TSC2: variants seen among roughly 807,000 people sequenced by gnomAD.
TSC2 encodes tuberin.
Under a neutral mutation model 202.2 loss-of-function variants are expected in TSC2, and 29 were observed. The ratio of observed to expected loss-of-function variants is 0.14; its 90% CI spans 0.11 to 0.20. The LOEUF (loss-of-function observed/expected upper bound fraction) is 0.20, where lower values mean the gene tolerates loss of function less well. TSC2 is among the 10% of genes least tolerant of loss of function. TSC2 has a pLI of 1.00. For synonymous variants in TSC2, 1,349 were observed against 1,044.0 expected (o/e 1.29, Z -5.63); for missense variants, 2,429 against 2,420.0 (o/e 1.00, Z -0.08).
In TSC2 at chr16:2,083,702, C is replaced by G. The variant is rs373508609; in HGVS notation, c.3891C>G (p.Ala1297=). ...CCGTCTGTGTCCTCCCAGACTCCGC[C>G]GTGGTCATGGAGGAGGGAAGTCCGG... ...LHRSVSWADS[A]VVMEEGSPGE... Residue 1297 remains alanine (A), a synonymous_variant, in exon 33 of 42, where the codon GCC becomes GCG. Coordinates refer to ENST00000219476, the MANE Select transcript of TSC2 (RefSeq NM_000548.5). 1.1e-5 allele frequency: 18 copies of G among 1,585,808 alleles called. No individual in the cohort carries two copies. Among genetic ancestry groups the G allele is most frequent in the Admixed American group, 1.8e-5 (1 of 54,890 alleles).
chr16:2,054,671 C>T (rs1364184693), intron 5 of TSC2: 12 of 619,718 alleles, frequency 1.9e-5, no homozygotes, highest in Non-Finnish European at 3.4e-5. Context: ...CTGTGAGTCT[C>T]TGGGGCTTGG....
intron 14 of TSC2, 37 bp from the exon 15 acceptor site, chr16:2,064,235 G>A: frequency 1.2e-6 from 2 of 1,613,700 alleles, no homozygotes; most frequent in Middle Eastern, 3.3e-4. Context: ...GGCCCTCGTT[G>A]GGCTGGCGCT....
intron 10 of TSC2, among the ~76,000 whole-genome samples, chr16:2,059,696 T>C (rs1000834185): frequency 9.2e-5 from 14 of 152,160 alleles, no homozygotes; most frequent in Admixed American, 4.6e-4. Flanking sequence ...ATTTTTTATT[T>C]TTAGTAGAGA....
At chr16:2,053,515 G>A in intron 4 of TSC2, 63 bp downstream of exon 4, 1 of 1,482,434 alleles carries the variant, frequency 6.7e-7, no homozygotes. Flanking sequence ...TCCTGTCCCT[G>A]CTGGGCCGTG....
chr16:2,054,727 C>T (rs2085551060), intron 5 of TSC2: 1 of 510,046 alleles, frequency 2.0e-6, no homozygotes. Flanking sequence ...CGAGTTCTGT[C>T]ACTGGGAGGT....
At position 2,084,961 on chromosome 16, in the gene TSC2, C is replaced by T. The variant is rs928525608; in HGVS notation, c.4504C>T (p.Leu1502=). The change falls in exon 35 of 42, where the codon CTG becomes TTG. Residue 1502 remains leucine, a synonymous_variant. Coordinates refer to ENST00000219476, the MANE Select transcript of TSC2 (RefSeq NM_000548.5). ...CCCCTCCCTGTGCAGTTTCGTGTTC[C>T]TGCAGCTCTACCATTCCCCCTTCTT... ...VPGINPSFVF[L]QLYHSPFFGD... is the part of the protein sequence containing the mutation. 1 of 1,613,234 alleles carries T rather than the reference C, an allele frequency of 6.2e-7. No homozygotes were observed. The highest frequency in any genetic ancestry group is 1.7e-5 in the Admixed American group (1 of 60,006).
chr16:2,059,485 G>C (rs1401717462), intron 10 of TSC2, among the ~76,000 whole-genome samples: 1 of 139,324 alleles, frequency 7.2e-6, no homozygotes, highest in African/African-American at 2.7e-5. Context: ...GATTACAGGT[G>C]CCTGCCACAG....
chr16:2,078,573 G>T, intron 26 of TSC2: 1 of 271,450 alleles, frequency 3.7e-6, no homozygotes. Flanking sequence ...CCTGTCACTG[G>T]GTGTGGAGCT....
At chr16:2,060,577 G>C (rs1479383484) in intron 10 of TSC2, 93 bp from the exon 11 acceptor site, 3 of 1,603,404 alleles carry the variant, frequency 1.9e-6, no homozygotes, top group Non-Finnish European at 2.6e-6. Flanking sequence ...GCGCGCTCAG[G>C]CGTGCTACTC....
At chr16:2,075,947 G>A (rs2151383811) in intron 23 of TSC2, 55 bp downstream of exon 23, 1 of 1,612,406 alleles carries the variant, frequency 6.2e-7, no homozygotes, top group Non-Finnish European at 8.5e-7. Context: ...GCTAGGCCTT[G>A]CGGCAGAAAG....
At chr16:2,073,130 A>T in intron 21 of TSC2, 147 bp downstream of exon 21, 2 of 1,316,248 alleles carry the variant, frequency 1.5e-6, no homozygotes, top group Non-Finnish European at 2.1e-6. Flanking sequence ...TGGCTGCCAG[A>T]TGCCCAGAGT....
intron 10 of TSC2, among the ~76,000 whole-genome samples, chr16:2,059,617 T>G (rs1478003593): frequency 6.6e-6 from 1 of 151,426 alleles, no homozygotes; most frequent in Non-Finnish European, 1.5e-5. Flanking sequence ...CCTCCCAGGT[T>G]CAAGCCATTC....
At chr16:2,082,339 C>T (rs1226988655) in intron 31 of TSC2, 97 bp from the exon 32 acceptor site, 30 of 1,439,436 alleles carry the variant, frequency 2.1e-5, no homozygotes, top group Non-Finnish European at 2.6e-5. Flanking sequence ...CTGGCCCTGC[C>T]CTCTCTCCTC....
Position 2,074,513 on chromosome 16 carries a change from C to G in TSC2, c.2545+124C>G, listed in dbSNP as rs113431974. The stretch of plus-strand genomic sequence containing the variant: ...CTGGGTGTCTCGCCTTCTGCTGCCT[C>G]AGGGCCTGGGCGTCTCTGCCCGGCT... On this transcript the variant is annotated intron_variant, in intron 22 of 41. Coordinates refer to ENST00000219476, the MANE Select transcript of TSC2 (RefSeq NM_000548.5). 18 of 1,271,414 alleles carry G rather than the reference C, an allele frequency of 1.4e-5. No individual in the cohort carries two copies. In the African/African-American group the frequency reaches 2.1e-4, roughly 15 times the overall value. 78.8% of individuals were successfully genotyped at this position (1,271,414 alleles called of 1,614,324 possible).
rs796053499 is a variant in TSC2, at chr16:2,086,259, G to T, written c.4729G>T (p.Gly1577Cys). Residue 1577 changes from glycine to cysteine, a missense_variant, in exon 37 of 42, where the codon GGC (glycine) becomes TGC (cysteine). Coordinates refer to ENST00000219476, the MANE Select transcript of TSC2 (RefSeq NM_000548.5). ...CTACAGGTACACGGAGTTCCTGACGGGCCTGGGCCGGCTCATCGAGCTGAA... is the reference window on the plus strand; with the variant it reads ...CTACAGGTACACGGAGTTCCTGACGTGCCTGGGCCGGCTCATCGAGCTGAA... ...GSYRYTEFLT[G>C]LGRLIELKDC... 6.2e-7 allele frequency: 1 copy of T among 1,612,720 alleles called. No individual in the cohort carries two copies. The highest frequency in any genetic ancestry group is 1.3e-5 in the African/African-American group (1 of 74,926).
intron 13 of TSC2, 82 bp from the exon 14 acceptor site, chr16:2,062,890 C>A (rs966567473): frequency 6.1e-6 from 9 of 1,476,914 alleles, no homozygotes; most frequent in Non-Finnish European, 7.3e-6. Context: ...CAGAGTCGGG[C>A]TGGCCTGCGC....
At chr16:2,062,239 C>T (rs2086730529) in intron 12 of TSC2, among the ~76,000 whole-genome samples, 1 of 152,254 alleles carries the variant, frequency 6.6e-6, no homozygotes, top group South Asian at 2.1e-4. Flanking sequence ...AAGCTTCCAT[C>T]CGGCTCTGTA....
intron 17 of TSC2, 122 bp downstream of exon 17, chr16:2,070,700 C>G (rs1441049058): frequency 6.7e-7 from 1 of 1,494,046 alleles, no homozygotes; most frequent in South Asian, 1.3e-5. Context: ...CTGACCGTCC[C>G]TCCTCTGCAC....
At chr16:2,050,996 A>T (rs1258443054) in intron 3 of TSC2, among the ~76,000 whole-genome samples, 1 of 152,152 alleles carries the variant, frequency 6.6e-6, no homozygotes, top group Non-Finnish European at 1.5e-5. Context: ...AATGGGGAGC[A>T]AAGGGATTAG....
Sources: gnomAD v4.1 joint callset for allele counts (sites outside exome capture counted in the v4.1 genomes callset) on GRCh38, gnomAD v4.1.1 for gene constraint, MANE v1.5 for transcripts, NCBI Gene and HGNC (gene_info 2026-07-23, HGNC 2026-07-21) for gene names.